SLC26A7: variants seen among roughly 807,000 people sequenced by gnomAD.
SLC26A7 encodes anion exchange transporter.
A neutral mutation model predicts 82.5 loss-of-function variants in SLC26A7; 59 were observed. That is an observed-to-expected ratio of 0.72 (90% CI 0.58 to 0.89). SLC26A7 has a LOEUF of 0.89. Ranked by LOEUF, SLC26A7 falls within the 40% of genes least tolerant of loss-of-function variation. SLC26A7 has a pLI of 0.00. For synonymous variants in SLC26A7, 271 were observed against 274.3 expected (o/e 0.99, Z 0.12); for missense variants, 820 against 793.0 (o/e 1.03, Z -0.41).
chr8:91,289,978 T>C lies in SLC26A7; in HGVS notation c.304+732T>C, dbSNP rs1030517669. Among the ~76,000 whole-genome samples the C allele has an allele frequency of 8.5e-5, 13 of 152,196 alleles. No individual in the cohort carries two copies. In the South Asian group the frequency reaches 2.7e-3, roughly 32 times the overall value. ...TAGGCAAAATTTTAAGCTCCATTGC[T>C]GCTTTCTTGATAGCAAAATTACCTT... On this transcript the variant is annotated intron_variant, in intron 3 of 18. Coordinates refer to ENST00000276609, the MANE Select transcript of SLC26A7 (RefSeq NM_052832.4).
upstream of SLC26A7, among the ~76,000 whole-genome samples, chr8:91,245,612 G>T (rs1005472105): frequency 3.9e-5 from 6 of 152,046 alleles, no homozygotes; most frequent in East Asian, 1.2e-3. Flanking sequence ...TCCAATGTCT[G>T]ATCTATACTT....
chr8:91,296,055 A>G (rs921708276), intron 4 of SLC26A7, among the ~76,000 whole-genome samples: 3 of 152,198 alleles, frequency 2.0e-5, no homozygotes, highest in African/African-American at 7.2e-5. Context: ...GTTATAGGAA[A>G]AACTCCTGCA....
chr8:91,388,085 T>C (rs942607086), intron 15 of SLC26A7, among the ~76,000 whole-genome samples: 1 of 152,206 alleles, frequency 6.6e-6, no homozygotes, highest in Non-Finnish European at 1.5e-5. Flanking sequence ...ATATAAATTT[T>C]CAGTGTTCAT....
chr8:91,363,483 T>C lies in SLC26A7; in HGVS notation c.1433T>C (p.Val478Ala). 2 of 1,500,544 alleles carry C rather than the reference T, an allele frequency of 1.3e-6. No individual in the cohort carries two copies. The highest frequency in any genetic ancestry group is 1.2e-5 in the South Asian group (1 of 84,030). 93.0% of individuals were successfully genotyped at this position (1,500,544 alleles called of 1,614,324 possible). A position where few individuals can be genotyped will look rare whatever the true frequency, so the allele number is the denominator to read the frequency against. Residue 478 changes from valine to alanine, a missense_variant, in exon 13 of 19, where the codon GTA (valine) becomes GCA (alanine). Physicochemically the swap from Val to Ala is moderately conservative, Grantham distance 64. Coordinates refer to ENST00000276609, the MANE Select transcript of SLC26A7 (RefSeq NM_052832.4). Reference protein sequence around the residue: ...VIGRFPRAMTVSIKNMKEMEF... With the variant: ...VIGRFPRAMTASIKNMKEMEF... ...TGCTTTAATTTCAGAGCAATGACTG[T>C]AAGTATAAAAAATATGAAAGAAATG...
In SLC26A7 at chr8:91,317,047, C is replaced by A. The variant is rs113012157; in HGVS notation, c.478-1169C>A. Among the ~76,000 whole-genome samples, 182 of 129,776 alleles carry A rather than the reference C, an allele frequency of 1.4e-3. 2 individuals carry two copies. Among genetic ancestry groups the A allele is most frequent in the African/African-American group, 5.2e-3 (179 of 34,386 alleles). The allele number at this position is 129,776 out of a possible 152,430, so 85.1% of individuals were successfully genotyped here. ...GCCAGGCATTTGTCTGTAGTCACAG[C>A]TATTCAGGAGGCTAAAATGGGAGGA... On this transcript the variant is annotated intron_variant, in intron 4 of 18. Transcript: ENST00000276609.
At chr8:91,213,046 T>A (rs780720737) in intron 1 of SLC26A7, among the ~76,000 whole-genome samples, 2 of 152,174 alleles carry the variant, frequency 1.3e-5, no homozygotes, top group African/African-American at 2.4e-5. Flanking sequence ...TTCTTCTAAA[T>A]AATCTTACAT....
intron 13 of SLC26A7, 72 bp from the exon 14 acceptor site, chr8:91,366,508 C>T (rs1380433653): frequency 6.6e-7 from 1 of 1,508,858 alleles, no homozygotes; most frequent in East Asian, 2.3e-5. Flanking sequence ...AATTGAGTGA[C>T]ATTTAGATCT....
chr8:91,262,616 C>T (rs927405670), intron 2 of SLC26A7, among the ~76,000 whole-genome samples: 1 of 151,776 alleles, frequency 6.6e-6, no homozygotes, highest in African/African-American at 2.4e-5. Context: ...GGCCTCTTGG[C>T]CTCTTGTGGA....
intron 7 of SLC26A7, 94 bp downstream of exon 7, chr8:91,338,326 T>G (rs1038621829): frequency 1.4e-6 from 1 of 712,298 alleles, no homozygotes; most frequent in African/African-American, 1.9e-5. Context: ...GATATTTCAT[T>G]TCTTAATTCT....
chr8:91,347,217 C>A lies in SLC26A7; in HGVS notation c.1140+3751C>A, dbSNP rs536450693. ...CTGACATTAGAAGAGACTGGTCAGGCTGGACAGTTCTTTTTAATTACTGCT... is the reference window on the plus strand; with the variant it reads ...CTGACATTAGAAGAGACTGGTCAGGATGGACAGTTCTTTTTAATTACTGCT... On this transcript the variant is annotated intron_variant, in intron 9 of 18. Coordinates refer to ENST00000276609, the MANE Select transcript of SLC26A7 (RefSeq NM_052832.4). Among the ~76,000 whole-genome samples the A allele has an allele frequency of 2.4e-4, 36 of 152,256 alleles. 2 individuals are homozygous for A. In the South Asian group the frequency reaches 7.5e-3, roughly 32 times the overall value.
intron 15 of SLC26A7, among the ~76,000 whole-genome samples, chr8:91,385,259 C>T (rs1489578259): frequency 6.6e-6 from 1 of 152,190 alleles, no homozygotes; most frequent in Non-Finnish European, 1.5e-5. Context: ...ATTAGCTGTA[C>T]ATTCACTTTA....
At chr8:91,334,535 A>G in intron 6 of SLC26A7, 88 bp downstream of exon 6, 1 of 1,198,762 alleles carries the variant, frequency 8.3e-7, no homozygotes, top group Non-Finnish European at 1.1e-6. Context: ...TATTGTCTGT[A>G]GTAACCCTCA....
intron 14 of SLC26A7, among the ~76,000 whole-genome samples, chr8:91,368,723 C>T (rs1207733338): frequency 1.3e-5 from 2 of 151,992 alleles, no homozygotes; most frequent in East Asian, 1.9e-4. Context: ...ACGCCCGGCC[C>T]AGATGAGGTA....
intron 3 of SLC26A7, among the ~76,000 whole-genome samples, chr8:91,292,660 AT>A (rs1811904975): frequency 6.6e-6 from 1 of 152,224 alleles, no homozygotes; most frequent in African/African-American, 2.4e-5. Flanking sequence ...AATTCATAAA[AT>A]CAGAGTATAA....
At chr8:91,321,383 C>A (rs552630799) in intron 5 of SLC26A7, among the ~76,000 whole-genome samples, 1 of 152,176 alleles carries the variant, frequency 6.6e-6, no homozygotes, top group South Asian at 2.1e-4. Context: ...GAGGAAAACA[C>A]GCCCCGACTC....
chr8:91,218,210 TCTCA>T (rs1172906643), intron 1 of SLC26A7, among the ~76,000 whole-genome samples: 2 of 152,170 alleles, frequency 1.3e-5, no homozygotes, highest in African/African-American at 4.8e-5. Flanking sequence ...TTTTGGATTC[TCTCA>T]CTGAGAGCTG....
At chr8:91,308,412 C>CT (rs35922251) in intron 4 of SLC26A7, among the ~76,000 whole-genome samples, 33,256 of 152,024 alleles carry the variant, frequency 0.22, 4,978 homozygotes, top group African/African-American at 0.42. Context: ...CTATGCAACC[C>CT]TTTCATCTTG....
chr8:91,324,358 G>T (rs1812878307), intron 5 of SLC26A7, among the ~76,000 whole-genome samples: 3 of 152,174 alleles, frequency 2.0e-5, no homozygotes, highest in Admixed American at 6.6e-5. Flanking sequence ...GATCTGCTTG[G>T]AGGTAGGATT....
intron 6 of SLC26A7, among the ~76,000 whole-genome samples, chr8:91,337,133 T>G (rs1177416394): frequency 1.3e-5 from 2 of 150,586 alleles, no homozygotes; most frequent in East Asian, 3.8e-4. Context: ...TCAGGTGTTT[T>G]GCTTTTTAAG....
Sources: gnomAD v4.1 joint callset for allele counts (sites outside exome capture counted in the v4.1 genomes callset) on GRCh38, gnomAD v4.1.1 for gene constraint, MANE v1.5 for transcripts, NCBI Gene and HGNC (gene_info 2026-07-23, HGNC 2026-07-21) for gene names.